Variants in CENPP observed in about 807,000 individuals in gnomAD.
CENPP encodes centromere protein P.
CENPP carries 24 observed loss-of-function variants against 35.6 expected under a neutral mutation model. The ratio of observed to expected loss-of-function variants is 0.67; its 90% CI spans 0.49 to 0.95. The LOEUF (loss-of-function observed/expected upper bound fraction) is 0.95. CENPP is among the 40% of genes least tolerant of loss of function. CENPP has a pLI of 0.00. For synonymous variants in CENPP, 120 were observed against 125.5 expected (o/e 0.96, Z 0.29); for missense variants, 332 against 345.3 (o/e 0.96, Z 0.31).
chr9:92,574,630 A>G (rs1176142224), intron 5 of CENPP, among the ~76,000 whole-genome samples: 1 of 152,222 alleles, frequency 6.6e-6, no homozygotes, highest in African/African-American at 2.4e-5. Flanking sequence ...ACTCTGTGTT[A>G]AGATGTCAGT....
intron 5 of CENPP, chr9:92,502,436 C>G: frequency 6.5e-7 from 1 of 1,537,362 alleles, no homozygotes; most frequent in Non-Finnish European, 8.9e-7. Flanking sequence ...TATCCCATTC[C>G]CAGTTTCCAT....
chr9:92,517,940 T>G, intron 5 of CENPP: 1 of 1,583,740 alleles, frequency 6.3e-7, no homozygotes, highest in Non-Finnish European at 8.6e-7. Flanking sequence ...TGAATGGAAG[T>G]AAACACAATG....
In CENPP at chr9:92,602,055, G is replaced by C. The variant is rs1423471398; in HGVS notation, c.565-9259G>C. On this transcript the variant is annotated intron_variant, in intron 5 of 7. Transcript: ENST00000375587. ...GGCAGGGAAGTACAAAATGAGCCTA[G>C]AACAGCTGATGATGCCAGAGAGTAG... is the stretch of plus-strand genomic sequence containing the variant. Among the ~76,000 whole-genome samples, 7 of 152,300 alleles carry C rather than the reference G, an allele frequency of 4.6e-5. No homozygotes were observed. The East Asian group carries it at 1.4e-3, about 29-fold the overall frequency.
At chr9:92,416,056 G>GTT (rs1403964887) in intron 5 of CENPP, among the ~76,000 whole-genome samples, 1 of 83,452 alleles carries the variant, frequency 1.2e-5, no homozygotes, top group Non-Finnish European at 2.8e-5. Flanking sequence ...TTATATATGT[G>GTT]TGTATATATA....
chr9:92,449,265 C>T (rs1844632706), intron 5 of CENPP, among the ~76,000 whole-genome samples: 1 of 151,620 alleles, frequency 6.6e-6, no homozygotes, highest in Non-Finnish European at 1.5e-5. Flanking sequence ...CACAGTGAAA[C>T]CCCGTCTCTA....
At chr9:92,397,169 C>T (rs1196279746) in intron 5 of CENPP, among the ~76,000 whole-genome samples, 2 of 151,858 alleles carry the variant, frequency 1.3e-5, no homozygotes, top group Non-Finnish European at 2.9e-5. Flanking sequence ...AGAGCGAGAC[C>T]CTGTCTAAAA....
At chr9:92,533,276 G>A (rs992017053) in intron 5 of CENPP, among the ~76,000 whole-genome samples, 17 of 128,970 alleles carry the variant, frequency 1.3e-4, no homozygotes, top group Admixed American at 3.5e-4. Context: ...CCCCAGCCTG[G>A]GCGATAGAGT....
At chr9:92,584,371 C>T in intron 5 of CENPP, among the ~76,000 whole-genome samples, 1 of 151,796 alleles carries the variant, frequency 6.6e-6, no homozygotes, top group African/African-American at 2.4e-5. Flanking sequence ...TTGTTTGAGA[C>T]AGGGTCTTAC....
intron 5 of CENPP, among the ~76,000 whole-genome samples, chr9:92,462,163 A>G (rs1845140035): frequency 1.3e-5 from 2 of 152,070 alleles, no homozygotes; most frequent in Non-Finnish European, 2.9e-5. Context: ...TTTTTGATAG[A>G]CATGGGGTTT....
At chr9:92,410,019 C>T (rs187660838) in intron 5 of CENPP, among the ~76,000 whole-genome samples, 113 of 152,254 alleles carry the variant, frequency 7.4e-4, no homozygotes, top group African/African-American at 2.7e-3. Context: ...TCACTGCAAC[C>T]TCTGCCTCCT....
At chr9:92,555,072 C>G (rs888355328) in intron 5 of CENPP, among the ~76,000 whole-genome samples, 1 of 152,036 alleles carries the variant, frequency 6.6e-6, no homozygotes, top group South Asian at 2.1e-4. Context: ...TAAGGTGATG[C>G]TGGCTTCATA....
intron 5 of CENPP, among the ~76,000 whole-genome samples, chr9:92,451,528 C>T (rs1167126143): frequency 6.6e-5 from 10 of 152,018 alleles, no homozygotes; most frequent in Non-Finnish European, 7.4e-5. Context: ...AGTCAGGTAG[C>T]ATGATGCCTC....
At chr9:92,368,239 G>C (rs1215914173) in intron 4 of CENPP, among the ~76,000 whole-genome samples, 1 of 152,096 alleles carries the variant, frequency 6.6e-6, no homozygotes, top group Admixed American at 6.6e-5. Context: ...CACAAACTTT[G>C]TTTCACACAC....
At chr9:92,577,758 C>T (rs1027368482) in intron 5 of CENPP, among the ~76,000 whole-genome samples, 8 of 151,860 alleles carry the variant, frequency 5.3e-5, no homozygotes, top group East Asian at 1.9e-4. Flanking sequence ...AAGTCTGGCC[C>T]GGGCAACACA....
At position 92,615,673 on chromosome 9, in the gene CENPP, A is replaced by G; in HGVS notation, c.*2524A>G. On this transcript the variant is annotated 3_prime_UTR_variant, in exon 8 of 8. Coordinates refer to ENST00000375587, the MANE Select transcript of CENPP (RefSeq NM_001012267.3). ...ATTCCTTGTCCAGGAAGTTGTTTCT[A>G]GTGCTCTTCAATTCCATGTCTCCAA... 1 of 600,476 alleles carries G rather than the reference A, an allele frequency of 1.7e-6. No homozygotes were observed. Among genetic ancestry groups the G allele is most frequent in the Non-Finnish European group, 3.0e-6 (1 of 337,762 alleles). 37.2% of individuals were successfully genotyped at this position (600,476 alleles called of 1,614,324 possible). A position where few individuals can be genotyped will look rare whatever the true frequency, so the allele number is the denominator to read the frequency against.
chr9:92,540,288 C>T (rs764375167), intron 5 of CENPP, among the ~76,000 whole-genome samples: 5 of 151,822 alleles, frequency 3.3e-5, no homozygotes, highest in African/African-American at 7.3e-5. Context: ...AATACAAAAA[C>T]TTAGCCAGGC....
chr9:92,340,278 G>C (rs1841070313), intron 3 of CENPP: 2 of 152,180 alleles, frequency 1.3e-5, no homozygotes, highest in Non-Finnish European at 1.5e-5. Context: ...AGGTGAATGA[G>C]CTTCTTAGTG....
At chr9:92,433,634 C>G (rs1844173386) in intron 5 of CENPP, among the ~76,000 whole-genome samples, 1 of 152,016 alleles carries the variant, frequency 6.6e-6, no homozygotes, top group African/African-American at 2.4e-5. Context: ...AATGTAATTA[C>G]AAAAATGTAC....
At chr9:92,354,730 C>T (rs532913724) in intron 4 of CENPP, among the ~76,000 whole-genome samples, 3 of 152,304 alleles carry the variant, frequency 2.0e-5, no homozygotes, top group Non-Finnish European at 4.4e-5. Context: ...AGAGCTCTGT[C>T]CCCTATTGGG....
Sources: gnomAD v4.1 joint callset for allele counts (sites outside exome capture counted in the v4.1 genomes callset) on GRCh38, gnomAD v4.1.1 for gene constraint, MANE v1.5 for transcripts, NCBI Gene and HGNC (gene_info 2026-07-23, HGNC 2026-07-21) for gene names.